The following SUMF2 variants were observed in gnomAD, a reference collection of about 807,000 sequenced individuals.
SUMF2 encodes sulfatase modifying factor 2.
Under a neutral mutation model 44.8 loss-of-function variants are expected in SUMF2, and 45 were observed. That is an observed-to-expected ratio of 1.00 (90% CI 0.79 to 1.29). The LOEUF (loss-of-function observed/expected upper bound fraction) is 1.29, where lower values mean the gene tolerates loss of function less well. Ranked by LOEUF, SUMF2 falls within the 50% of genes most tolerant of loss-of-function variation. The pLI is 0.00. For synonymous variants in SUMF2, 148 were observed against 150.4 expected, an observed-to-expected ratio of 0.98 and a Z score of 0.12; for missense variants, 418 against 389.9, an observed-to-expected ratio of 1.07 and a Z score of -0.61.
chr7:56,081,375 T>C (rs1327779735), downstream of SUMF2: 4 of 1,506,058 alleles, frequency 2.7e-6, no homozygotes, highest in African/African-American at 4.2e-5. This position sits in a 1 kb window ranked among gnomAD's most constrained non-coding sequence, Gnocchi z 4.6. Flanking sequence ...AGGGACGCTC[T>C]GGGCTCGTTT....
At chr7:56,071,716 T>C (rs1448395899) in intron 2 of SUMF2, among the ~76,000 whole-genome samples, 1 of 151,160 alleles carries the variant, frequency 6.6e-6, no homozygotes, top group East Asian at 1.9e-4. Flanking sequence ...ACCCAGGAGG[T>C]AGAGGTTGCA....
downstream of SUMF2, chr7:56,084,380 T>TC: frequency 1.8e-6 from 1 of 569,296 alleles, no homozygotes; most frequent in East Asian, 3.1e-5. Flanking sequence ...ATTTTTTTTT[T>TC]TTTTTTTTTT....
the SUMF2 span, chr7:56,087,701 G>T: frequency 6.2e-7 from 1 of 1,613,862 alleles, no homozygotes; most frequent in African/African-American, 1.3e-5. Flanking sequence ...CTCCACCGGT[G>T]ACGTCGATGA....
chr7:56,083,351 C>T, downstream of SUMF2: 1 of 1,614,126 alleles, frequency 6.2e-7, no homozygotes, highest in Non-Finnish European at 8.5e-7. Context: ...TGTTGTCATC[C>T]AAGAGAATGT....
chr7:56,085,933 C>G, the SUMF2 span, among the ~76,000 whole-genome samples: 2 of 147,938 alleles, frequency 1.4e-5, no homozygotes, highest in African/African-American at 5.0e-5. Flanking sequence ...GAGATCGCAC[C>G]ACTATACTCC....
In SUMF2 at chr7:56,079,643, T is replaced by A; in HGVS notation, c.*31T>A. 1.9e-6 allele frequency: 3 copies of A among 1,614,112 alleles called. No homozygotes were observed. Among genetic ancestry groups the A allele is most frequent in the Non-Finnish European group, 2.5e-6 (3 of 1,179,992 alleles). On this transcript the variant is annotated 3_prime_UTR_variant, in exon 9 of 9. Transcript: ENST00000434526. ...CGGGTGGTGACAAGGAGAAAAGCCT[T>A]CTAGGGTCACTGTCATTCCCTGGCC... is the stretch of plus-strand genomic sequence containing the variant.
At chr7:56,072,199 G>A (rs569233399) in intron 2 of SUMF2, among the ~76,000 whole-genome samples, 3 of 152,026 alleles carry the variant, frequency 2.0e-5, no homozygotes, top group African/African-American at 4.8e-5. Flanking sequence ...GCCACTTTGG[G>A]TGGATCACCT....
At chr7:56,068,689 C>G (rs1229083730) in intron 2 of SUMF2, 51 bp downstream of exon 2, 4 of 1,501,112 alleles carry the variant, frequency 2.7e-6, no homozygotes, top group Non-Finnish European at 3.6e-6. Context: ...TAATCTCATT[C>G]TTTTTTCTTT....
intron 8 of SUMF2, chr7:56,079,281 G>T: frequency 1.8e-6 from 1 of 562,084 alleles, no homozygotes; most frequent in South Asian, 2.4e-5. Flanking sequence ...GTCTCTTGGG[G>T]CCACTGTCCC....
At chr7:56,086,926 G>A in the SUMF2 span, 28 of 1,501,996 alleles carry the variant, frequency 1.9e-5, no homozygotes, top group African/African-American at 6.9e-5. Context: ...GACAGCAGTC[G>A]GAGGTTCTCT....
rs550470564 is a variant in SUMF2, at chr7:56,076,542, C to T, written c.536-292C>T. On this transcript the variant is annotated intron_variant, in intron 5 of 8. Transcript: ENST00000434526. ...AATCTAAGTCCAATTTCAAGTTTCT[C>T]GATTTCTGTACTTTTCTCAACATGA... 4.2e-5 allele frequency: 13 copies of T among 312,220 alleles called. No individual in the cohort carries two copies. In the South Asian group the frequency reaches 4.3e-4, roughly 10 times the overall value. 19.3% of individuals were successfully genotyped at this position (312,220 alleles called of 1,614,324 possible).
chr7:56,074,903 G>A (rs150208016), intron 5 of SUMF2, 167 bp downstream of exon 5: 12 of 789,992 alleles, frequency 1.5e-5, no homozygotes, highest in Non-Finnish European at 2.4e-5. Flanking sequence ...TAAAAGACTA[G>A]CCTGGGCAAT....
At chr7:56,078,245 T>C in intron 7 of SUMF2, 59 bp downstream of exon 7, 1 of 1,579,324 alleles carries the variant, frequency 6.3e-7, no homozygotes, top group Middle Eastern at 1.7e-4. Flanking sequence ...GACCATCATG[T>C]CTGAGAGAGG....
intron 5 of SUMF2, 102 bp downstream of exon 5, chr7:56,074,838 C>G: frequency 1.4e-6 from 2 of 1,448,410 alleles, no homozygotes; most frequent in Non-Finnish European, 9.5e-7. Context: ...TGGCTTATGC[C>G]TGTAATCCCA....
At chr7:56,083,259 C>T, downstream of SUMF2, 1 of 1,613,032 alleles carries the variant, frequency 6.2e-7, no homozygotes, top group Non-Finnish European at 8.5e-7. Context: ...GGACGTGGGC[C>T]AAGGCCATGT....
At chr7:56,081,390 C>T (rs1441877879), downstream of SUMF2, 217 of 1,478,524 alleles carry the variant, frequency 1.5e-4, no homozygotes, top group Middle Eastern at 1.2e-3. The surrounding 1 kb of genome is among the most constrained non-coding windows in gnomAD (Gnocchi z 4.6). Context: ...TCGTTTGCCA[C>T]GAAGCCTTGG....
At chr7:56,081,308 C>T, downstream of SUMF2, 1 of 1,601,716 alleles carries the variant, frequency 6.2e-7, no homozygotes, top group Non-Finnish European at 8.5e-7. This position sits in a 1 kb window ranked among gnomAD's most constrained non-coding sequence, Gnocchi z 4.6. Flanking sequence ...ACCTGCAGGG[C>T]CAGGCGGAGA....
chr7:56,072,055 C>T (rs534956491), intron 2 of SUMF2, among the ~76,000 whole-genome samples: 2 of 148,986 alleles, frequency 1.3e-5, no homozygotes, highest in Non-Finnish European at 3.0e-5. Context: ...TTGCAGTGAG[C>T]TGAGATTGCA....
intron 1 of SUMF2, among the ~76,000 whole-genome samples, chr7:56,068,246 G>T (rs1189395541): frequency 1.3e-5 from 2 of 151,600 alleles, no homozygotes; most frequent in Non-Finnish European, 2.9e-5. Flanking sequence ...CACCGTGTTA[G>T]CCAGGATGGT....
Sources: allele counts gnomAD v4.1 joint callset (sites outside exome capture counted in the v4.1 genomes callset), GRCh38; gene constraint gnomAD v4.1.1; non-coding constraint Gnocchi (gnomAD v3.1); transcripts MANE v1.5; gene names NCBI Gene and HGNC (gene_info 2026-07-23, HGNC 2026-07-21).